Variants in PDE8B observed in about 807,000 individuals in gnomAD.
The protein encoded by PDE8B is phosphodiesterase 8B.
Under a neutral mutation model 101.3 loss-of-function variants are expected in PDE8B, and 26 were observed. The observed-to-expected ratio is 0.26, with a 90% confidence interval of 0.19 to 0.36. The LOEUF (loss-of-function observed/expected upper bound fraction) is 0.36, where lower values mean the gene tolerates loss of function less well. PDE8B is among the 10% of genes least tolerant of loss of function. PDE8B has a pLI of 1.00. For missense variants in PDE8B, 810 were observed against 1,163.1 expected (o/e 0.70, Z 4.42); for synonymous variants, 424 against 429.3 (o/e 0.99, Z 0.15).
intron 10 of PDE8B, among the ~76,000 whole-genome samples, chr5:77,366,787 GT>G (rs923233363): frequency 2.0e-5 from 3 of 152,186 alleles, no homozygotes; most frequent in African/African-American, 7.2e-5. Context: ...GGAATTTAAA[GT>G]GACATTAAAA....
the PDE8B span, chr5:77,098,837 AAGAG>A: frequency 6.6e-6 from 1 of 152,084 alleles, no homozygotes; most frequent in East Asian, 1.9e-4. Flanking sequence ...GAGAGACAGA[AAGAG>A]AGAGAGTGAG....
At chr5:77,103,072 C>T in the PDE8B span, among the ~76,000 whole-genome samples, 1 of 152,218 alleles carries the variant, frequency 6.6e-6, no homozygotes, top group Admixed American at 6.5e-5. Context: ...TCTTGCTCTT[C>T]AGTGACGAAT....
chr5:77,408,094 G>T (rs2151066080), intron 13 of PDE8B, among the ~76,000 whole-genome samples: 1 of 152,336 alleles, frequency 6.6e-6, no homozygotes, highest in South Asian at 2.1e-4. Flanking sequence ...GAACAGGTCA[G>T]TTAGGGGGCT....
At chr5:77,253,092 C>A (rs1758397704) in intron 1 of PDE8B, among the ~76,000 whole-genome samples, 1 of 152,148 alleles carries the variant, frequency 6.6e-6, no homozygotes, top group African/African-American at 2.4e-5. Context: ...AGGAACTGAT[C>A]TCCTGGTTTG....
the PDE8B span, among the ~76,000 whole-genome samples, chr5:77,185,613 C>T: frequency 6.6e-6 from 1 of 152,160 alleles, no homozygotes; most frequent in Non-Finnish European, 1.5e-5. Context: ...CTCTGTCAGA[C>T]AGCACATCCT....
chr5:77,382,056 A>G lies in PDE8B; in HGVS notation c.1168-18192A>G, dbSNP rs141517405. Among the ~76,000 whole-genome samples the G allele has an allele frequency of 7.3e-4, 111 of 152,146 alleles. 1 individual carries two copies. Among genetic ancestry groups the G allele is most frequent in the African/African-American group, 2.5e-3 (103 of 41,500 alleles). On this transcript the variant is annotated intron_variant, in intron 10 of 21. Coordinates refer to ENST00000264917, the MANE Select transcript of PDE8B (RefSeq NM_003719.5). ...TTTGAAACTACAGTTCAGACTTCCA[A>G]TTTTCAGCCATCAATCCGTATACTC...
At chr5:77,179,190 C>T in the PDE8B span, among the ~76,000 whole-genome samples, 1 of 152,266 alleles carries the variant, frequency 6.6e-6, no homozygotes, top group African/African-American at 2.4e-5. Context: ...CATATTCATA[C>T]TGCATTCATG....
chr5:77,269,333 TC>T (rs1342091297), intron 1 of PDE8B, among the ~76,000 whole-genome samples: 28 of 152,342 alleles, frequency 1.8e-4, no homozygotes, highest in African/African-American at 6.3e-4. Context: ...ATTAGATTTT[TC>T]CTATAGAGTT....
chr5:77,228,804 C>A (rs1475750136), intron 1 of PDE8B, among the ~76,000 whole-genome samples: 4 of 152,112 alleles, frequency 2.6e-5, no homozygotes, highest in Non-Finnish European at 5.9e-5. Flanking sequence ...ATGACACAGT[C>A]CAAGTTGTGG....
At chr5:77,200,340 GCA>G in the PDE8B span, among the ~76,000 whole-genome samples, 1 of 152,094 alleles carries the variant, frequency 6.6e-6, no homozygotes, top group Non-Finnish European at 1.5e-5. Flanking sequence ...ATAAAAATTT[GCA>G]AATAAAAATT....
At chr5:77,416,219 A>G (rs943193869) in intron 17 of PDE8B, among the ~76,000 whole-genome samples, 1 of 152,212 alleles carries the variant, frequency 6.6e-6, no homozygotes, top group Admixed American at 6.5e-5. Context: ...GCTGGAAGGA[A>G]AGGCATGTTT....
chr5:77,340,072 G>T (rs575954322), intron 6 of PDE8B, among the ~76,000 whole-genome samples: 1 of 152,232 alleles, frequency 6.6e-6, no homozygotes, highest in South Asian at 2.1e-4. Flanking sequence ...ATCATGAAAA[G>T]ATCTATTTTA....
chr5:77,199,818 A>G, the PDE8B span, among the ~76,000 whole-genome samples: 2 of 152,346 alleles, frequency 1.3e-5, no homozygotes, highest in South Asian at 4.1e-4. Context: ...AGACTGTTAC[A>G]TAGTAAGCTA....
At chr5:77,411,866 T>C (rs1794637177) in intron 15 of PDE8B, 145 bp downstream of exon 15, 1 of 758,136 alleles carries the variant, frequency 1.3e-6, no homozygotes, top group Non-Finnish European at 2.3e-6. Flanking sequence ...TTAAAACTAG[T>C]CTCCTAATTA....
chr5:77,241,085 G>T (rs891290541), intron 1 of PDE8B, among the ~76,000 whole-genome samples: 2 of 152,176 alleles, frequency 1.3e-5, no homozygotes, highest in African/African-American at 4.8e-5. Flanking sequence ...GCAGCCAAAT[G>T]AAAAGAGTTC....
At chr5:77,199,739 G>A in the PDE8B span, among the ~76,000 whole-genome samples, 1 of 152,138 alleles carries the variant, frequency 6.6e-6, no homozygotes, top group Non-Finnish European at 1.5e-5. Flanking sequence ...GAAAGGAGAT[G>A]TTGAAAGATT....
intron 1 of PDE8B, among the ~76,000 whole-genome samples, chr5:77,235,901 T>C (rs1754580221): frequency 6.6e-6 from 1 of 152,106 alleles, no homozygotes; most frequent in South Asian, 2.1e-4. Flanking sequence ...TTAACAACCT[T>C]ATTTGGTTGG....
the PDE8B span, chr5:77,148,455 C>A: frequency 6.6e-6 from 1 of 152,172 alleles, no homozygotes; most frequent in Non-Finnish European, 1.5e-5. Context: ...AACTGTCAAA[C>A]TGTTTTCTAA....
intron 11 of PDE8B, among the ~76,000 whole-genome samples, chr5:77,402,966 C>G (rs1333071261): frequency 6.6e-6 from 1 of 152,126 alleles, no homozygotes; most frequent in African/African-American, 2.4e-5. Flanking sequence ...AATATGATCA[C>G]TTATTGGCAT....
Sources: allele counts gnomAD v4.1 joint callset (sites outside exome capture counted in the v4.1 genomes callset), GRCh38; gene constraint gnomAD v4.1.1; transcripts MANE v1.5; gene names NCBI Gene and HGNC (gene_info 2026-07-23, HGNC 2026-07-21).